Variants in SMCHD1 observed in about 807,000 individuals in gnomAD.
SMCHD1 encodes structural maintenance of chromosomes flexible hinge domain containing 1, also known as structural maintenance of chromosomes flexible hinge domain-containing protein 1.
SMCHD1 carries 78 observed loss-of-function variants against 254.7 expected under a neutral mutation model. That is an observed-to-expected ratio of 0.31 (90% CI 0.26 to 0.37). The LOEUF is 0.37. Ranked by LOEUF, SMCHD1 falls within the 10% of genes least tolerant of loss-of-function variation. The pLI is 1.00. For missense variants in SMCHD1, 1,840 were observed against 2,408.1 expected (o/e 0.76, Z 4.94); for synonymous variants, 766 against 794.9 (o/e 0.96, Z 0.61).
chr18:2,692,788 G>A (rs1287962922), intron 7 of SMCHD1, among the ~76,000 whole-genome samples: 1 of 152,118 alleles, frequency 6.6e-6, no homozygotes, highest in Non-Finnish European at 1.5e-5. Context: ...ATATTGTTTT[G>A]TAATCATTTG....
At chr18:2,734,953 C>G (rs1190774321) in intron 25 of SMCHD1, among the ~76,000 whole-genome samples, 5 of 151,808 alleles carry the variant, frequency 3.3e-5, no homozygotes, top group Admixed American at 6.6e-5. Context: ...CACCTGTGAT[C>G]CCAGCTACTC....
At chr18:2,706,867 T>A (rs1347742271) in intron 15 of SMCHD1, among the ~76,000 whole-genome samples, 1 of 152,182 alleles carries the variant, frequency 6.6e-6, no homozygotes, top group Non-Finnish European at 1.5e-5. Flanking sequence ...GGAGGTTTAA[T>A]TGACTCAGTC....
intron 5 of SMCHD1, 75 bp from the exon 6 acceptor site, chr18:2,688,319 A>AT (rs1422043422): frequency 1.0e-6 from 1 of 1,000,866 alleles, no homozygotes; most frequent in Non-Finnish European, 1.6e-6. Context: ...TTAACACTGA[A>AT]TACAAGTGCA....
chr18:2,802,502 C>T (rs1352649822), intron 47 of SMCHD1, 26 bp from the exon 48 acceptor site: 2 of 1,541,460 alleles, frequency 1.3e-6, no homozygotes, highest in Non-Finnish European at 8.8e-7. Context: ...GTACATAAAA[C>T]TTTTTTTTCT....
intron 27 of SMCHD1, 78 bp from the exon 28 acceptor site, chr18:2,740,625 A>T (rs371987491): frequency 3.2e-6 from 2 of 634,840 alleles, no homozygotes; most frequent in East Asian, 3.3e-5. Flanking sequence ...GTTTCTAAGC[A>T]TGTTTTTATA....
rs1274808812 is a variant in SMCHD1, at chr18:2,803,236, TATTC to T, written c.*686_*689del. On this transcript the variant is annotated 3_prime_UTR_variant, in exon 48 of 48. Transcript: ENST00000320876. ...TATATATAAATATATATATATAAAATATTCAGCAGCACCAAGTTTTATAACTATT... is the reference window on the plus strand; with the variant it reads ...TATATATAAATATATATATATAAAATAGCAGCACCAAGTTTTATAACTATT... 1 of 147,566 alleles carries T rather than the reference TATTC, an allele frequency of 6.8e-6. No homozygotes were observed. The highest frequency in any genetic ancestry group is 1.5e-5 in the Non-Finnish European group (1 of 67,048). 9.1% of individuals were successfully genotyped at this position (147,566 alleles called of 1,614,324 possible).
chr18:2,737,225 AAAG>A (rs1199366912), intron 25 of SMCHD1, among the ~76,000 whole-genome samples: 1 of 152,134 alleles, frequency 6.6e-6, no homozygotes, highest in Non-Finnish European at 1.5e-5. Flanking sequence ...AGATTCCAAA[AAAG>A]GGGAGGGTAA....
rs184689508 is a variant in SMCHD1, at chr18:2,734,341, C to T, written c.3276+1849C>T. ...CTCTCTTAAGAAGTTTAAGAAAAAC[C>T]GACTGGAGAGCCTCTCCCTATCATA... On this transcript the variant is annotated intron_variant, in intron 25 of 47. Coordinates refer to ENST00000320876, the MANE Select transcript of SMCHD1 (RefSeq NM_015295.3). Among the ~76,000 whole-genome samples the T allele has an allele frequency of 7.1e-3, 1,085 of 152,220 alleles. 4 individuals are homozygous for T. Among genetic ancestry groups the T allele is most frequent in the Non-Finnish European group, 0.012 (835 of 68,008 alleles).
chr18:2,681,536 GAT>G (rs2073926039), intron 5 of SMCHD1, among the ~76,000 whole-genome samples: 1 of 141,526 alleles, frequency 7.1e-6, no homozygotes. Context: ...AGTAATCCAT[GAT>G]CACGCCACTG....
At chr18:2,735,370 A>G (rs1053206364) in intron 25 of SMCHD1, among the ~76,000 whole-genome samples, 1 of 152,180 alleles carries the variant, frequency 6.6e-6, no homozygotes, top group Non-Finnish European at 1.5e-5. Flanking sequence ...CTCCTTGAGA[A>G]CTGGAACAAG....
chr18:2,674,943 A>G (rs907623472), intron 5 of SMCHD1, among the ~76,000 whole-genome samples: 1 of 152,224 alleles, frequency 6.6e-6, no homozygotes, highest in Admixed American at 6.5e-5. Flanking sequence ...AATTTTAATC[A>G]AATTAGTAAA....
intron 17 of SMCHD1, among the ~76,000 whole-genome samples, chr18:2,712,259 G>A (rs1489091975): frequency 3.5e-5 from 5 of 141,188 alleles, no homozygotes; most frequent in Non-Finnish European, 6.1e-5. Flanking sequence ...GTCTGTGTCT[G>A]ACTTTGGTAT....
In SMCHD1 at chr18:2,688,608, C is replaced by T. The variant is rs1189970751; in HGVS notation, c.754-20C>T. The stretch of plus-strand genomic sequence containing the variant: ...CAGTTTATTAGGAATTTAAAAAGTA[C>T]TCTTTTTAATATTTAACAGATGATA... On this transcript the variant is annotated intron_variant, in intron 6 of 47. Coordinates refer to ENST00000320876, the MANE Select transcript of SMCHD1 (RefSeq NM_015295.3). 1.3e-5 allele frequency: 21 copies of T among 1,559,926 alleles called. 1 individual carries two copies. Among genetic ancestry groups the T allele is most frequent in the Non-Finnish European group, 1.7e-5 (20 of 1,150,082 alleles).
intron 41 of SMCHD1, 72 bp from the exon 42 acceptor site, chr18:2,775,662 G>C: frequency 7.6e-7 from 1 of 1,317,604 alleles, no homozygotes; most frequent in Non-Finnish European, 1.0e-6. Context: ...ACCTAGGCTT[G>C]GGCTTTTAAC....
In SMCHD1 at chr18:2,803,502, G is replaced by A. The variant is rs1453431853; in HGVS notation, c.*950G>A. The A allele has an allele frequency of 1.3e-5, 2 of 151,914 alleles. No homozygotes were observed. The highest frequency in any genetic ancestry group is 2.9e-5 in the Non-Finnish European group (2 of 67,964). The allele number at this position is 151,914 out of a possible 1,614,324, so 9.4% of individuals were successfully genotyped here. ...GACTATTGATCTGTGAAGTTATTTT[G>A]TAAGGACATACATTTGGTAAGTAAG... On this transcript the variant is annotated 3_prime_UTR_variant, in exon 48 of 48. Transcript: ENST00000320876.
At chr18:2,697,449 G>A (rs1051546118) in intron 9 of SMCHD1, among the ~76,000 whole-genome samples, 2 of 152,104 alleles carry the variant, frequency 1.3e-5, no homozygotes, top group Non-Finnish European at 2.9e-5. Flanking sequence ...AAGTTATATC[G>A]TGGTGACAAG....
At position 2,701,026 on chromosome 18, in the gene SMCHD1, A is replaced by G. The variant is rs1455444157; in HGVS notation, c.1647+108A>G. Reference sequence around the variant, plus strand: ...TATTGATATTTTGCATCAAAAGACTATGATGTATAAATTTTTTTATGAGCA... The same window carrying G: ...TATTGATATTTTGCATCAAAAGACTGTGATGTATAAATTTTTTTATGAGCA... On this transcript the variant is annotated intron_variant, in intron 12 of 47. Transcript: ENST00000320876. 1.1e-5 allele frequency: 9 copies of G among 842,372 alleles called. No homozygotes were observed. The East Asian group carries it at 1.3e-4, about 12-fold the overall frequency. 52.2% of individuals were successfully genotyped at this position (842,372 alleles called of 1,614,324 possible).
chr18:2,763,455 C>G (rs560864520), intron 36 of SMCHD1, among the ~76,000 whole-genome samples, 182 bp from the exon 37 acceptor site: 5 of 152,148 alleles, frequency 3.3e-5, no homozygotes, highest in Non-Finnish European at 1.5e-5. Flanking sequence ...TTTATGGTTT[C>G]TGGAACTATT....
intron 7 of SMCHD1, among the ~76,000 whole-genome samples, chr18:2,692,245 G>A (rs2074195615): frequency 6.6e-6 from 1 of 152,100 alleles, no homozygotes; most frequent in Non-Finnish European, 1.5e-5. Flanking sequence ...ACTCACTTTT[G>A]GTACCTTTGA....
Sources: allele counts gnomAD v4.1 joint callset (sites outside exome capture counted in the v4.1 genomes callset), GRCh38; gene constraint gnomAD v4.1.1; transcripts MANE v1.5; gene names NCBI Gene and HGNC (gene_info 2026-07-23, HGNC 2026-07-21).